Variants in SCFD2 observed in about 807,000 individuals in gnomAD.
SCFD2 encodes sec1 family domain-containing protein 2.
In SCFD2, 54 loss-of-function variants were observed where a neutral mutation model predicts 58.9. That is an observed-to-expected ratio of 0.92 (90% CI 0.74 to 1.15). The LOEUF (loss-of-function observed/expected upper bound fraction) is 1.15, where lower values mean the gene tolerates loss of function less well. SCFD2 is among the 50% of genes most tolerant of loss of function. SCFD2 has a pLI of 0.00. For missense variants in SCFD2, 805 were observed against 836.6 expected, an observed-to-expected ratio of 0.96 and a Z score of 0.47; for synonymous variants, 321 against 335.9, an observed-to-expected ratio of 0.96 and a Z score of 0.49.
At chr4:53,018,450 A>G (rs1292155716) in intron 5 of SCFD2, among the ~76,000 whole-genome samples, 3 of 152,332 alleles carry the variant, frequency 2.0e-5, no homozygotes, top group African/African-American at 4.8e-5. Context: ...CCTGACAAGC[A>G]TTGCTTGTGA....
intron 8 of SCFD2, among the ~76,000 whole-genome samples, chr4:52,879,814 A>G (rs984449443): frequency 2.0e-5 from 3 of 152,222 alleles, no homozygotes; most frequent in Non-Finnish European, 2.9e-5. Flanking sequence ...CAGGATTTAC[A>G]TTCCATATCC....
intron 5 of SCFD2, among the ~76,000 whole-genome samples, chr4:53,101,423 CT>C (rs1724829977): frequency 6.6e-6 from 1 of 152,086 alleles, no homozygotes; most frequent in South Asian, 2.1e-4. Flanking sequence ...CCAGTAGATT[CT>C]AGTTAACAGT....
intron 4 of SCFD2, among the ~76,000 whole-genome samples, chr4:53,213,236 G>A (rs1728681218): frequency 6.6e-6 from 1 of 152,092 alleles, no homozygotes. Context: ...AAAAAGAGAT[G>A]ATGAGTAAAG....
chr4:53,020,259 T>C (rs6826226), intron 5 of SCFD2, among the ~76,000 whole-genome samples: 148,020 of 152,282 alleles, frequency 0.97, 72,063 homozygotes, highest in Middle Eastern at 1. Flanking sequence ...AGATGATGCC[T>C]TTTCAAATCA....
At chr4:53,219,042 GC>G (rs1427661831) in intron 4 of SCFD2, among the ~76,000 whole-genome samples, 1 of 152,196 alleles carries the variant, frequency 6.6e-6, no homozygotes, top group African/African-American at 2.4e-5. Flanking sequence ...GTGTCAGTCT[GC>G]CCCTACTAGA....
intron 5 of SCFD2, among the ~76,000 whole-genome samples, chr4:52,964,924 A>T (rs1393387737): frequency 6.6e-6 from 1 of 152,086 alleles, no homozygotes; most frequent in Admixed American, 6.5e-5. Flanking sequence ...TTGCAATGGA[A>T]AAAGCCTCGC....
intron 5 of SCFD2, among the ~76,000 whole-genome samples, chr4:53,058,272 T>A (rs565672070): frequency 5.3e-5 from 8 of 152,166 alleles, no homozygotes; most frequent in Admixed American, 5.2e-4. Flanking sequence ...GCCTATGAGT[T>A]GGGGAATTAA....
intron 2 of SCFD2, among the ~76,000 whole-genome samples, chr4:53,340,613 T>A (rs1733835681): frequency 6.6e-6 from 1 of 152,148 alleles, no homozygotes; most frequent in African/African-American, 2.4e-5. Context: ...AAGAGAGAAG[T>A]GGTTCTCCCA....
intron 4 of SCFD2, among the ~76,000 whole-genome samples, chr4:53,206,531 G>C (rs554382866): frequency 2.0e-5 from 3 of 152,162 alleles, no homozygotes; most frequent in East Asian, 3.9e-4. Flanking sequence ...GTAAGTTATA[G>C]AAGGTGAGAA....
At chr4:52,900,927 C>T (rs1012978789) in intron 7 of SCFD2, among the ~76,000 whole-genome samples, 2 of 152,320 alleles carry the variant, frequency 1.3e-5, no homozygotes, top group African/African-American at 4.8e-5. Flanking sequence ...TCCGCGGGCG[C>T]AGGACCCTCT....
intron 5 of SCFD2, among the ~76,000 whole-genome samples, chr4:53,054,575 T>G (rs891347192): frequency 6.6e-6 from 1 of 150,554 alleles, no homozygotes; most frequent in Non-Finnish European, 1.5e-5. Flanking sequence ...TAAATCCTTC[T>G]AGAATATAAG....
At chr4:53,345,955 G>C (rs748412535) in intron 2 of SCFD2, among the ~76,000 whole-genome samples, 7 of 149,596 alleles carry the variant, frequency 4.7e-5, no homozygotes, top group Non-Finnish European at 8.8e-5. Context: ...GAGTGGATTA[G>C]GGGGGGCTTG....
At position 52,873,082 on chromosome 4, in the gene SCFD2, G is replaced by C. The variant is rs1401552980; in HGVS notation, c.*887C>G. On this transcript the variant is annotated 3_prime_UTR_variant, in exon 9 of 9. Transcript: ENST00000401642. ...TTGCAAGTGGTTCGTTTTTGCCCTG[G>C]AGTTCTTACAAAGTTTCACTAGGTG... 14 of 152,178 alleles carry C rather than the reference G, an allele frequency of 9.2e-5. No homozygotes were observed. Among genetic ancestry groups the C allele is most frequent in the Admixed American group, 8.5e-4 (13 of 15,282 alleles). The allele number at this position is 152,178 out of a possible 1,614,324, so 9.4% of individuals were successfully genotyped here. A position where few individuals can be genotyped will look rare whatever the true frequency, so the allele number is the denominator to read the frequency against.
Position 53,365,088 on chromosome 4 carries a change from A to G in SCFD2, c.838+16T>C, listed in dbSNP as rs773525844. 3.1e-6 allele frequency: 5 copies of G among 1,608,780 alleles called. No individual in the cohort carries two copies. In the African/African-American group the frequency reaches 6.7e-5, roughly 22 times the overall value. The stretch of plus-strand genomic sequence containing the variant: ...GTGGGGAATGGTAATGAAGAACTCC[A>G]GAGCAATGCACTTACCTGTGAGATC... On this transcript the variant is annotated intron_variant, in intron 1 of 8. Coordinates refer to ENST00000401642, the MANE Select transcript of SCFD2 (RefSeq NM_152540.4). The surrounding 1 kb of genome is among the most constrained non-coding windows in gnomAD (Gnocchi z 4.3).
intron 5 of SCFD2, among the ~76,000 whole-genome samples, chr4:52,996,531 G>C (rs1277689185): frequency 1.3e-5 from 2 of 152,236 alleles, no homozygotes; most frequent in Non-Finnish European, 2.9e-5. Context: ...CATTTGGAGA[G>C]AACATTCCCT....
intron 2 of SCFD2, among the ~76,000 whole-genome samples, chr4:53,323,125 T>C (rs1733075196): frequency 6.6e-6 from 1 of 152,224 alleles, no homozygotes; most frequent in African/African-American, 2.4e-5. Context: ...TTCAAAGCCT[T>C]GGAAAAACTT....
chr4:53,214,059 T>C (rs1728720178), intron 4 of SCFD2, among the ~76,000 whole-genome samples: 1 of 152,076 alleles, frequency 6.6e-6, no homozygotes, highest in Admixed American at 6.5e-5. Context: ...CTATCATTCA[T>C]GGACATTTCG....
rs186330818 is a variant in SCFD2 at position 53,193,527 on chromosome 4, G to A, written c.1312-47945C>T. Among the ~76,000 whole-genome samples the A allele has an allele frequency of 2.0e-3, 307 of 152,214 alleles. 1 individual carries two copies. The highest frequency in any genetic ancestry group is 7.1e-3 in the African/African-American group (294 of 41,522). ...AAAATGGTCCACAGGTCATTGGTCA[G>A]GTTTATTCAGTCATCAAAAAACCTC... On this transcript the variant is annotated intron_variant, in intron 4 of 8. Coordinates refer to ENST00000401642, the MANE Select transcript of SCFD2 (RefSeq NM_152540.4).
intron 2 of SCFD2, among the ~76,000 whole-genome samples, chr4:53,328,083 C>T (rs1167962421): frequency 4.6e-5 from 7 of 151,304 alleles, no homozygotes; most frequent in East Asian, 1.9e-4. Flanking sequence ...TGCAGTGAGC[C>T]GAGATAGTGC....
Sources: allele counts gnomAD v4.1 joint callset (sites outside exome capture counted in the v4.1 genomes callset), GRCh38; gene constraint gnomAD v4.1.1; non-coding constraint Gnocchi (gnomAD v3.1); transcripts MANE v1.5; gene names NCBI Gene and HGNC (gene_info 2026-07-23, HGNC 2026-07-21).